Variants in WDR64 observed in about 807,000 individuals in gnomAD.
WDR64 encodes WD repeat-containing protein 64.
Under a neutral mutation model 139.3 loss-of-function variants are expected in WDR64, and 112 were observed. The observed-to-expected ratio is 0.80, with a 90% CI of 0.69 to 0.94. The LOEUF (loss-of-function observed/expected upper bound fraction) is 0.94, where lower values mean the gene tolerates loss of function less well. Among genes scored for constraint, WDR64 ranks in the 40% least tolerant of loss-of-function variants. The pLI is 0.00. For missense variants in WDR64, 1,206 were observed against 1,293.1 expected (o/e 0.93, Z 1.03); for synonymous variants, 444 against 437.7 (o/e 1.01, Z -0.18).
Position 241,741,549 on chromosome 1 carries a change from G to C in WDR64, c.1355G>C (p.Arg452Thr). 6.2e-7 allele frequency: 1 copy of C among 1,612,530 alleles called. No homozygotes were observed. Among genetic ancestry groups the C allele is most frequent in the Non-Finnish European group, 8.5e-7 (1 of 1,179,554 alleles). The stretch of plus-strand genomic sequence containing the variant: ...GTTATGGACATGTATCCTTTGACTA[G>C]GATGATACAAGATACAAAACAGGTT... ...SSVMDMYPLT[R>T]MIQDTKQVPH... Residue 452 changes from arginine to threonine, a missense_variant, in exon 12 of 28, where the codon AGG becomes ACG. Coordinates refer to ENST00000437684, the MANE Select transcript of WDR64 (RefSeq NM_001367482.1).
rs1016345107 is a variant in WDR64, at chr1:241,801,859, A to G, written c.*644A>G. 1 of 398,108 alleles carries G rather than the reference A, an allele frequency of 2.5e-6. No homozygotes were observed. The highest frequency in any genetic ancestry group is 1.3e-4 in the South Asian group (1 of 7,858). 24.7% of individuals were successfully genotyped at this position (398,108 alleles called of 1,614,324 possible). Reference sequence around the variant, plus strand: ...GGTAGATTTAACCTTAAATATATCAATAATTATGAAACCTTTAATAGGTTA... The same window carrying G: ...GGTAGATTTAACCTTAAATATATCAGTAATTATGAAACCTTTAATAGGTTA... On this transcript the variant is annotated 3_prime_UTR_variant, in exon 28 of 28. Coordinates refer to ENST00000437684, the MANE Select transcript of WDR64 (RefSeq NM_001367482.1).
chr1:241,711,307 G>A (rs1456119721), intron 8 of WDR64, among the ~76,000 whole-genome samples: 1 of 152,062 alleles, frequency 6.6e-6, no homozygotes, highest in Non-Finnish European at 1.5e-5. Context: ...GAGAGAGGAT[G>A]GAGAGTTCAA....
intron 8 of WDR64, among the ~76,000 whole-genome samples, chr1:241,706,828 A>G (rs1045578667): frequency 2.0e-5 from 3 of 152,210 alleles, no homozygotes; most frequent in Admixed American, 6.5e-5. Context: ...TATTTTAACA[A>G]ATTTTATTTA....
chr1:241,772,451 C>CCTTTTTTTTTTTTT, intron 19 of WDR64, among the ~76,000 whole-genome samples: 1 of 59,020 alleles, frequency 1.7e-5, no homozygotes, highest in South Asian at 1.0e-3. Flanking sequence ...AAGATAGATC[C>CCTTTTTTTTTTTTT]TTTTTTTTTT....
At chr1:241,733,663 G>A (rs1487369614) in intron 10 of WDR64, among the ~76,000 whole-genome samples, 3 of 149,916 alleles carry the variant, frequency 2.0e-5, no homozygotes, top group Non-Finnish European at 4.4e-5. Flanking sequence ...ATACATATAT[G>A]TATATAATAT....
intron 10 of WDR64, among the ~76,000 whole-genome samples, chr1:241,728,400 T>C (rs1425833738): frequency 7.4e-6 from 1 of 134,936 alleles, no homozygotes; most frequent in East Asian, 2.1e-4. Flanking sequence ...TTATTGAAGC[T>C]ATATTATTAT....
At chr1:241,729,058 T>C (rs1487938988) in intron 10 of WDR64, among the ~76,000 whole-genome samples, 1 of 152,220 alleles carries the variant, frequency 6.6e-6, no homozygotes, top group Non-Finnish European at 1.5e-5. Flanking sequence ...AAGTCTTCTC[T>C]TCCTTACTTC....
intron 27 of WDR64, among the ~76,000 whole-genome samples, chr1:241,798,922 T>C (rs1190030599): frequency 6.6e-6 from 1 of 152,136 alleles, no homozygotes; most frequent in Non-Finnish European, 1.5e-5. Context: ...TTGTATTTCC[T>C]TTTCAGTTTA....
At chr1:241,757,196 T>C (rs1047741601) in intron 14 of WDR64, 87 bp from the exon 15 acceptor site, 175 of 1,101,578 alleles carry the variant, frequency 1.6e-4, no homozygotes, top group East Asian at 9.9e-4. Flanking sequence ...AGATACATCA[T>C]TGTAGGTTCT....
chr1:241,744,335 A>C (rs750984420), intron 12 of WDR64, 58 bp from the exon 13 acceptor site: 35 of 1,602,140 alleles, frequency 2.2e-5, no homozygotes, highest in Non-Finnish European at 2.8e-5. Context: ...TGTAATTCTG[A>C]TGAGAATTGA....
At chr1:241,659,597 C>T (rs2148054217) in intron 1 of WDR64, among the ~76,000 whole-genome samples, 1 of 152,250 alleles carries the variant, frequency 6.6e-6, no homozygotes, top group Admixed American at 6.5e-5. Flanking sequence ...TCAATAGTAG[C>T]CATTCTGACT....
At chr1:241,667,021 C>T (rs548345036) in intron 2 of WDR64, among the ~76,000 whole-genome samples, 4 of 152,262 alleles carry the variant, frequency 2.6e-5, no homozygotes, top group African/African-American at 9.6e-5. Flanking sequence ...TTCTTAGACA[C>T]CTGATGCCTT....
chr1:241,758,664 C>A (rs939302532), intron 15 of WDR64, among the ~76,000 whole-genome samples: 1 of 151,922 alleles, frequency 6.6e-6, no homozygotes, highest in African/African-American at 2.4e-5. Context: ...TTATTGATGC[C>A]CAAACTGTCC....
At chr1:241,726,272 T>A (rs6675590) in intron 10 of WDR64, among the ~76,000 whole-genome samples, 116,212 of 151,456 alleles carry the variant, frequency 0.77, 45,028 homozygotes, top group Non-Finnish European at 0.83. Flanking sequence ...AATTAATTTT[T>A]AAAAAAAGAG....
intron 23 of WDR64, among the ~76,000 whole-genome samples, chr1:241,785,581 C>T (rs745407456): frequency 7.2e-5 from 11 of 152,130 alleles, no homozygotes; most frequent in Admixed American, 3.9e-4. Flanking sequence ...TTATCCTTGG[C>T]ATGGAGAAAT....
intron 8 of WDR64, among the ~76,000 whole-genome samples, chr1:241,708,060 G>A (rs139039263): frequency 1.1e-3 from 166 of 152,252 alleles, no homozygotes; most frequent in Admixed American, 2.0e-3. Context: ...CATAAGAAGA[G>A]CCAAAGAGTG....
intron 23 of WDR64, among the ~76,000 whole-genome samples, chr1:241,785,186 T>C (rs1007368339): frequency 2.0e-5 from 3 of 152,194 alleles, no homozygotes; most frequent in Middle Eastern, 3.4e-3. Context: ...TGTTGTAAGG[T>C]ATTCCTTGCT....
intron 6 of WDR64, among the ~76,000 whole-genome samples, chr1:241,680,116 C>T (rs1410041116): frequency 6.6e-6 from 1 of 152,048 alleles, no homozygotes; most frequent in Non-Finnish European, 1.5e-5. Context: ...TCTTGAAGTT[C>T]CTCATGAATA....
chr1:241,669,597 CTGA>C (rs1397739395), intron 2 of WDR64, among the ~76,000 whole-genome samples: 1 of 152,066 alleles, frequency 6.6e-6, no homozygotes, highest in East Asian at 1.9e-4. Flanking sequence ...CTCGATGAGC[CTGA>C]TTTTCCCACA....
Sources: gnomAD v4.1 joint callset for allele counts (sites outside exome capture counted in the v4.1 genomes callset) on GRCh38, gnomAD v4.1.1 for gene constraint, MANE v1.5 for transcripts, NCBI Gene and HGNC (gene_info 2026-07-23, HGNC 2026-07-21) for gene names.